The following SLC28A1 variants were observed in gnomAD, a reference collection of about 807,000 sequenced individuals.
SLC28A1 encodes the protein sodium/nucleoside cotransporter 1.
In SLC28A1, 64 loss-of-function variants were observed where a neutral mutation model predicts 74.8. The observed-to-expected ratio is 0.86, with a 90% CI of 0.70 to 1.05. SLC28A1 has a LOEUF of 1.05. Ranked by LOEUF, SLC28A1 falls within the 50% of genes least tolerant of loss-of-function variation. SLC28A1 has a pLI of 0.00. For synonymous variants in SLC28A1, 359 were observed against 335.0 expected (o/e 1.07, Z -0.78); for missense variants, 828 against 822.8 (o/e 1.01, Z -0.08).
chr15:84,914,002 G>T (rs1034865648), intron 9 of SLC28A1, among the ~76,000 whole-genome samples: 2 of 152,134 alleles, frequency 1.3e-5, no homozygotes, highest in African/African-American at 4.8e-5. Context: ...AGGCTGGAGT[G>T]CAGTAGTGTG....
downstream of SLC28A1, among the ~76,000 whole-genome samples, chr15:84,947,401 C>T (rs549696739): frequency 2.8e-4 from 43 of 152,342 alleles, no homozygotes; most frequent in South Asian, 6.4e-3. Flanking sequence ...CCAAGGACTG[C>T]CCTTGACCCC....
intron 6 of SLC28A1, among the ~76,000 whole-genome samples, chr15:84,899,983 G>GGAAT (rs968643023): frequency 2.9e-5 from 4 of 138,068 alleles, no homozygotes; most frequent in African/African-American, 7.7e-5. Context: ...AAGGAAGGAA[G>GGAAT]GAAGGAAAAG....
rs1456409395 is a variant in SLC28A1, at chr15:84,890,557, C to G, written c.277+23C>G. ...CTGGTGAGCCTGGGGCCCAGCACTA[C>G]CCAGGACACAATGACTCCTGCCTCA... On this transcript the variant is annotated intron_variant, in intron 5 of 18. Coordinates refer to ENST00000394573, the MANE Select transcript of SLC28A1 (RefSeq NM_004213.5). The G allele has an allele frequency of 2.5e-6, 4 of 1,575,306 alleles. No homozygotes were observed. The South Asian group carries it at 4.5e-5, about 18-fold the overall frequency.
intron 11 of SLC28A1, among the ~76,000 whole-genome samples, chr15:84,922,179 C>G (rs1328897758): frequency 6.6e-6 from 1 of 152,160 alleles, no homozygotes; most frequent in Non-Finnish European, 1.5e-5. Context: ...CACATTAGCC[C>G]CATGGCTTTA....
intron 6 of SLC28A1, chr15:84,895,509 T>C (rs1002631216): frequency 1.3e-6 from 2 of 1,579,030 alleles, no homozygotes; most frequent in East Asian, 2.4e-5. Flanking sequence ...GTCCAGGTGC[T>C]GGTATTTTTC....
chr15:84,959,771 G>A, the SLC28A1 span, among the ~76,000 whole-genome samples: 1 of 152,104 alleles, frequency 6.6e-6, no homozygotes, highest in East Asian at 1.9e-4. Context: ...TTGTCCATGT[G>A]CATTGTCTCT....
chr15:84,926,274 C>G (rs1285044131), intron 12 of SLC28A1, among the ~76,000 whole-genome samples: 1 of 151,954 alleles, frequency 6.6e-6, no homozygotes, highest in African/African-American at 2.4e-5. Context: ...TTACAGCTCA[C>G]CATAGCCTCA....
chr15:84,912,807 C>CG (rs397966761), intron 9 of SLC28A1, among the ~76,000 whole-genome samples: 1 of 9,076 alleles, frequency 1.1e-4, no homozygotes, highest in Admixed American at 1.3e-3. Context: ...TGCGCGCGCG[C>CG]ACACACACAC....
At chr15:84,895,544 T>C in intron 6 of SLC28A1, 1 of 1,548,102 alleles carries the variant, frequency 6.5e-7, no homozygotes, top group Non-Finnish European at 8.7e-7. Flanking sequence ...GATTCTGATG[T>C]AGCCAGCAGC....
chr15:84,966,750 T>C, the SLC28A1 span, among the ~76,000 whole-genome samples: 3 of 152,272 alleles, frequency 2.0e-5, no homozygotes, highest in African/African-American at 7.2e-5. Flanking sequence ...GTGTGAGTCT[T>C]ATTCACTATC....
At chr15:84,936,337 A>G (rs1971934247) in intron 15 of SLC28A1, among the ~76,000 whole-genome samples, 2 of 152,020 alleles carry the variant, frequency 1.3e-5, no homozygotes. Context: ...AGCTCACTGC[A>G]ACTTCCACCT....
intron 9 of SLC28A1, among the ~76,000 whole-genome samples, chr15:84,912,806 G>GCGCACA (rs764101004): frequency 0.055 from 6,156 of 111,968 alleles, 198 homozygotes; most frequent in Non-Finnish European, 0.075. Flanking sequence ...TTGCGCGCGC[G>GCGCACA]CACACACACA....
intron 5 of SLC28A1, among the ~76,000 whole-genome samples, chr15:84,891,048 C>T (rs1965313831): frequency 6.6e-6 from 1 of 152,070 alleles, no homozygotes; most frequent in Non-Finnish European, 1.5e-5. Flanking sequence ...TAGGAAAGGG[C>T]CCAGGATGGG....
At chr15:84,967,161 G>A in the SLC28A1 span, among the ~76,000 whole-genome samples, 1 of 152,162 alleles carries the variant, frequency 6.6e-6, no homozygotes, top group Non-Finnish European at 1.5e-5. Flanking sequence ...TAGAGAAACA[G>A]GTCTAAAGCC....
intron 12 of SLC28A1, among the ~76,000 whole-genome samples, chr15:84,928,578 CTTT>C (rs1567172250): frequency 2.1e-4 from 5 of 24,352 alleles, no homozygotes; most frequent in African/African-American, 1.3e-3. Context: ...TTCTTTCTTT[CTTT>C]CTTTCTTTCT....
intron 13 of SLC28A1, among the ~76,000 whole-genome samples, chr15:84,934,697 A>G (rs1971680327): frequency 6.6e-6 from 1 of 152,242 alleles, no homozygotes; most frequent in African/African-American, 2.4e-5. Context: ...TCATTTCAAC[A>G]TGTAACCAGT....
In SLC28A1 at chr15:84,928,601, TC is replaced by T. The variant is rs1567172677; in HGVS notation, c.1083+4492del. Among the ~76,000 whole-genome samples, 7 of 24,682 alleles carry T rather than the reference TC, an allele frequency of 2.8e-4. 1 individual carries two copies. The highest frequency in any genetic ancestry group is 2.2e-3 in the African/African-American group (6 of 2,694). 16.2% of individuals were successfully genotyped at this position (24,682 alleles called of 152,430 possible). A position where few individuals can be genotyped will look rare whatever the true frequency, so the allele number is the denominator to read the frequency against. On this transcript the variant is annotated intron_variant, in intron 12 of 18. Transcript: ENST00000394573. ...TTCTTTCTTTCTTTCTTTCTTTCTT[TC>T]TTTTCTTTCTTTCTTTTCTTTCTTT...
rs1248506983 is a variant in SLC28A1, at chr15:84,945,704, C to T, written c.*504C>T. 2 of 224,804 alleles carry T rather than the reference C, an allele frequency of 8.9e-6. No individual in the cohort carries two copies. Among genetic ancestry groups the T allele is most frequent in the East Asian group, 2.1e-4 (2 of 9,466 alleles). 13.9% of individuals were successfully genotyped at this position (224,804 alleles called of 1,614,324 possible). ...TCAGAGTGCTTCCCAAACTGAGGTCCCATGGCACACTGTCCTGGGAGGCGT... is the reference window on the plus strand; with the variant it reads ...TCAGAGTGCTTCCCAAACTGAGGTCTCATGGCACACTGTCCTGGGAGGCGT... On this transcript the variant is annotated 3_prime_UTR_variant, in exon 19 of 19. Coordinates refer to ENST00000394573, the MANE Select transcript of SLC28A1 (RefSeq NM_004213.5).
At position 84,944,480 on chromosome 15, in the gene SLC28A1, A is replaced by C. The variant is rs530774300; in HGVS notation, c.1664-86A>C. On this transcript the variant is annotated intron_variant, in intron 16 of 18. Transcript: ENST00000394573. The stretch of plus-strand genomic sequence containing the variant: ...CCATCTATTAATAGAAGAGGAAGGG[A>C]GGTCAGCAGATGCAGCCCGAGCTGC... 1.8e-5 allele frequency: 15 copies of C among 846,804 alleles called. No individual in the cohort carries two copies. In the South Asian group the frequency reaches 2.1e-4, roughly 12 times the overall value. The allele number at this position is 846,804 out of a possible 1,614,324, so 52.5% of individuals were successfully genotyped here. A position where few individuals can be genotyped will look rare whatever the true frequency, so the allele number is the denominator to read the frequency against.
Sources: gnomAD v4.1 joint callset for allele counts (sites outside exome capture counted in the v4.1 genomes callset) on GRCh38, gnomAD v4.1.1 for gene constraint, MANE v1.5 for transcripts, NCBI Gene and HGNC (gene_info 2026-07-23, HGNC 2026-07-21) for gene names.